SOX6: variants seen among roughly 807,000 people sequenced by gnomAD.
SOX6 encodes the protein SRY-box transcription factor 6.
In SOX6, 11 loss-of-function variants were observed where a neutral mutation model predicts 97.8. The observed-to-expected ratio is 0.11, with a 90% CI of 0.07 to 0.19. SOX6 has a LOEUF of 0.19. SOX6 is among the 10% of genes least tolerant of loss of function. SOX6 has a pLI of 1.00. For missense variants in SOX6, 810 were observed against 1,039.5 expected (o/e 0.78, Z 3.04); for synonymous variants, 360 against 371.4 (o/e 0.97, Z 0.35).
chr11:16,498,921 A>G (rs1342711858), intron 4 of SOX6, among the ~76,000 whole-genome samples: 1 of 152,204 alleles, frequency 6.6e-6, no homozygotes, highest in Non-Finnish European at 1.5e-5. Flanking sequence ...GTTAACAAGC[A>G]CATCCAGGAA....
intron 3 of SOX6, among the ~76,000 whole-genome samples, chr11:16,711,665 A>G (rs1176911067): frequency 1.3e-5 from 2 of 152,058 alleles, no homozygotes; most frequent in Admixed American, 1.3e-4. Flanking sequence ...TGTTTTCACT[A>G]TACTCTAATA....
At chr11:16,403,036 A>G (rs1413347312) in intron 1 of SOX6, among the ~76,000 whole-genome samples, 1 of 151,338 alleles carries the variant, frequency 6.6e-6, no homozygotes, top group African/African-American at 2.4e-5. Context: ...CCTTTTTACC[A>G]CCTTTTTCAC....
chr11:16,413,050 C>G (rs1858854082), intron 1 of SOX6, among the ~76,000 whole-genome samples: 1 of 152,166 alleles, frequency 6.6e-6, no homozygotes, highest in South Asian at 2.1e-4. Context: ...ATAGTGAAAA[C>G]AGTAAACAGC....
At chr11:16,617,799 T>C (rs1020761051) in intron 3 of SOX6, among the ~76,000 whole-genome samples, 1 of 151,876 alleles carries the variant, frequency 6.6e-6, no homozygotes, top group Middle Eastern at 3.2e-3. Flanking sequence ...GAGTACATTC[T>C]GAAAAAAAAG....
At chr11:16,205,133 T>A (rs952477649) in intron 4 of SOX6, among the ~76,000 whole-genome samples, 1 of 152,104 alleles carries the variant, frequency 6.6e-6, no homozygotes, top group Admixed American at 6.6e-5. Flanking sequence ...CAGAAGCAAT[T>A]TATAGGAAAG....
intron 1 of SOX6, among the ~76,000 whole-genome samples, chr11:16,431,234 C>T (rs1410598913): frequency 6.6e-6 from 1 of 152,092 alleles, no homozygotes; most frequent in Non-Finnish European, 1.5e-5. Context: ...TCACTCATCA[C>T]CTTTTAATAT....
At chr11:16,523,812 T>A (rs958938398) in intron 4 of SOX6, among the ~76,000 whole-genome samples, 3 of 151,956 alleles carry the variant, frequency 2.0e-5, no homozygotes, top group Non-Finnish European at 4.4e-5. Context: ...TCACCACCGA[T>A]CCCACAGAAA....
At chr11:16,122,539 C>A (rs1185397592) in intron 6 of SOX6, among the ~76,000 whole-genome samples, 1 of 151,918 alleles carries the variant, frequency 6.6e-6, no homozygotes, top group Non-Finnish European at 1.5e-5. Context: ...CAGATATAAA[C>A]CGTTCATAAA....
intron 4 of SOX6, among the ~76,000 whole-genome samples, chr11:16,497,991 G>C (rs1345168930): frequency 1.3e-5 from 2 of 152,110 alleles, no homozygotes; most frequent in African/African-American, 4.8e-5. Flanking sequence ...TCCTCGAGAA[G>C]AGCAACTCCA....
intron 3 of SOX6, among the ~76,000 whole-genome samples, chr11:16,676,160 TCTTTTGC>T: frequency 6.6e-6 from 1 of 152,260 alleles, no homozygotes; most frequent in Middle Eastern, 3.4e-3. Flanking sequence ...ATGAATTCTT[TCTTTTGC>T]CTGCTCAAAT....
At chr11:16,692,836 ATTG>A (rs1848026376) in intron 3 of SOX6, among the ~76,000 whole-genome samples, 1 of 152,086 alleles carries the variant, frequency 6.6e-6, no homozygotes, top group South Asian at 2.1e-4. Flanking sequence ...TTTATTAGAG[ATTG>A]TTTATAAACA....
At chr11:16,381,214 A>G (rs1193995516) in intron 1 of SOX6, among the ~76,000 whole-genome samples, 3 of 152,010 alleles carry the variant, frequency 2.0e-5, no homozygotes, top group African/African-American at 7.2e-5. Flanking sequence ...AAGAGCTGAC[A>G]TCCTTGATAG....
chr11:16,117,315 C>T (rs553782917), intron 6 of SOX6, among the ~76,000 whole-genome samples: 4 of 150,040 alleles, frequency 2.7e-5, no homozygotes, highest in African/African-American at 4.9e-5. Flanking sequence ...ATCATGCCAC[C>T]GCACTCCAGC....
intron 1 of SOX6, among the ~76,000 whole-genome samples, chr11:16,384,908 A>G (rs1857934218): frequency 6.6e-6 from 1 of 152,094 alleles, no homozygotes. Flanking sequence ...AGAAAATGCC[A>G]GAGAGCTATA....
chr11:16,517,128 AC>A (rs1471329021), intron 4 of SOX6, among the ~76,000 whole-genome samples: 3 of 151,374 alleles, frequency 2.0e-5, no homozygotes, highest in East Asian at 3.9e-4. Context: ...AAATTCAACA[AC>A]CCTTCATGCT....
intron 4 of SOX6, among the ~76,000 whole-genome samples, chr11:16,541,981 T>A (rs145972887): frequency 0.024 from 3,689 of 152,274 alleles, 153 homozygotes; most frequent in African/African-American, 0.083. Flanking sequence ...CCCAAAGGAT[T>A]ATAAATCATG....
intron 13 of SOX6, among the ~76,000 whole-genome samples, chr11:15,995,101 T>A (rs1363404774): frequency 6.6e-6 from 1 of 152,168 alleles, no homozygotes; most frequent in Non-Finnish European, 1.5e-5. Flanking sequence ...ACCCCTGAAC[T>A]TGCCATGTAT....
Position 16,371,650 on chromosome 11 carries a change from T to C in SOX6, c.-4-30398A>G, listed in dbSNP as rs1857497071. Among the ~76,000 whole-genome samples, 3 of 151,836 alleles carry C rather than the reference T, an allele frequency of 2.0e-5. No homozygotes were observed. In the South Asian group the frequency reaches 6.2e-4, roughly 31 times the overall value. On this transcript the variant is annotated intron_variant, in intron 1 of 15. Transcript: ENST00000396356. ...CTCCAAAGCGCCAAAGAATAATGAA[T>C]ATGTGTACATAGACACATTATGTGA...
intron 6 of SOX6, among the ~76,000 whole-genome samples, chr11:16,132,394 GAAAGA>G (rs1849803968): frequency 1.9e-4 from 12 of 63,762 alleles, no homozygotes; most frequent in African/African-American, 8.5e-4. Flanking sequence ...AAGAAAGAAA[GAAAGA>G]AAAAAGAAAG....
Sources: allele counts gnomAD v4.1 joint callset (sites outside exome capture counted in the v4.1 genomes callset), GRCh38; gene constraint gnomAD v4.1.1; transcripts MANE v1.5; gene names NCBI Gene and HGNC (gene_info 2026-07-23, HGNC 2026-07-21).